Variants in RYR3 observed in about 807,000 individuals in gnomAD.
The protein encoded by RYR3 is ryanodine receptor 3.
A neutral mutation model predicts 584.3 loss-of-function variants in RYR3; 207 were observed. That is an observed-to-expected ratio of 0.35 (90% CI 0.32 to 0.40). RYR3 has a LOEUF of 0.40. Ranked by LOEUF, RYR3 falls within the 10% of genes least tolerant of loss-of-function variation. The pLI, the probability that RYR3 is intolerant of heterozygous loss-of-function variation, is 1.00. For missense variants in RYR3, 5,616 were observed against 6,089.2 expected, an observed-to-expected ratio of 0.92 and a Z score of 2.59; for synonymous variants, 2,416 against 2,248.5, an observed-to-expected ratio of 1.07 and a Z score of -2.11.
intron 1 of RYR3, among the ~76,000 whole-genome samples, chr15:33,456,493 G>A (rs964375734): frequency 1.3e-5 from 2 of 152,142 alleles, no homozygotes; most frequent in Non-Finnish European, 2.9e-5. Flanking sequence ...GCATGTGAAT[G>A]TCTTCCCTTG....
chr15:33,511,683 C>T (rs1028337187), intron 3 of RYR3, among the ~76,000 whole-genome samples: 4 of 152,002 alleles, frequency 2.6e-5, no homozygotes, highest in Admixed American at 6.5e-5. Context: ...AGAAATTCGT[C>T]GCCAGGCAGT....
chr15:33,529,949 T>A (rs925423514), intron 3 of RYR3, among the ~76,000 whole-genome samples: 1 of 152,172 alleles, frequency 6.6e-6, no homozygotes, highest in Non-Finnish European at 1.5e-5. Flanking sequence ...TCCCACTGTT[T>A]GGGCAGCCAC....
chr15:33,525,204 C>T (rs560978375), intron 3 of RYR3, among the ~76,000 whole-genome samples: 25 of 152,254 alleles, frequency 1.6e-4, no homozygotes, highest in Admixed American at 3.9e-4. Flanking sequence ...TTAATAACCC[C>T]GCCTTTCTCC....
At chr15:33,591,412 ATGT>A (rs1169689937) in intron 16 of RYR3, among the ~76,000 whole-genome samples, 1 of 151,574 alleles carries the variant, frequency 6.6e-6, no homozygotes, top group Non-Finnish European at 1.5e-5. Context: ...CCAAGCTAAG[ATGT>A]TGTACATGGC....
intron 62 of RYR3, among the ~76,000 whole-genome samples, chr15:33,770,569 T>C (rs558863353): frequency 1.7e-4 from 26 of 152,148 alleles, no homozygotes; most frequent in African/African-American, 5.8e-4. Context: ...CTGGGCAACA[T>C]AGACCCCCAT....
In RYR3 at chr15:33,726,525, G is replaced by A; in HGVS notation, c.7033+19G>A. The A allele has an allele frequency of 6.4e-7, 1 of 1,568,418 alleles. No homozygotes were observed. The highest frequency in any genetic ancestry group is 8.6e-7 in the Non-Finnish European group (1 of 1,157,074). The stretch of plus-strand genomic sequence containing the variant: ...AACAAAGGTAAGGGGAGTGACTGCA[G>A]GCTGCAGCAGCAGTCTCCCAGCAGC... On this transcript the variant is annotated intron_variant, in intron 46 of 103. Coordinates refer to ENST00000634891, the MANE Select transcript of RYR3 (RefSeq NM_001036.6).
rs754866375 is a variant in RYR3 at position 33,739,977 on chromosome 15, A to G, written c.7802A>G (p.Lys2601Arg). ...GATGCGGATGGCAACTTTGACCCAAAACCTATTAACACCATGAAGTGAGTC... is the reference window on the plus strand; with the variant it reads ...GATGCGGATGGCAACTTTGACCCAAGACCTATTAACACCATGAAGTGAGTC... ...SVDADGNFDPKPINTMNFSLP... is the reference protein window; with the variant it reads ...SVDADGNFDPRPINTMNFSLP... Residue 2601 changes from lysine to arginine, a missense_variant, in exon 51 of 104, where the codon AAA becomes AGA. Lys to Arg is a conservative substitution (Grantham distance 26). Around this residue, in one of 9 missense-constraint regions of RYR3, gnomAD observed 1,280 missense variants for 1,426.2 expected, o/e 0.90. Coordinates refer to ENST00000634891, the MANE Select transcript of RYR3 (RefSeq NM_001036.6). 5.0e-6 allele frequency: 8 copies of G among 1,613,870 alleles called. No homozygotes were observed. In the Admixed American group the frequency reaches 1.3e-4, roughly 27 times the overall value.
At chr15:33,604,638 G>A (rs928722926) in intron 18 of RYR3, among the ~76,000 whole-genome samples, 3 of 152,218 alleles carry the variant, frequency 2.0e-5, no homozygotes, top group African/African-American at 7.2e-5. Context: ...ATGGCAGGAT[G>A]ATGGGGTCAT....
intron 74 of RYR3, among the ~76,000 whole-genome samples, chr15:33,814,219 A>T (rs1441296772): frequency 6.6e-6 from 1 of 152,210 alleles, no homozygotes; most frequent in Admixed American, 6.5e-5. Context: ...ACTGGCCCAG[A>T]GTTGACCACC....
At chr15:33,349,883 T>A (rs928289816) in intron 1 of RYR3, among the ~76,000 whole-genome samples, 1 of 152,058 alleles carries the variant, frequency 6.6e-6, no homozygotes, top group African/African-American at 2.4e-5. Flanking sequence ...CTGAGACTGA[T>A]GATTTCCAAT....
intron 51 of RYR3, among the ~76,000 whole-genome samples, chr15:33,741,320 A>G (rs2070073902): frequency 6.6e-6 from 1 of 152,246 alleles, no homozygotes; most frequent in Non-Finnish European, 1.5e-5. Context: ...AATCAGGCAC[A>G]GGGAGGAAAT....
intron 32 of RYR3, among the ~76,000 whole-genome samples, chr15:33,655,754 C>G (rs1474014720): frequency 6.6e-6 from 1 of 152,234 alleles, no homozygotes; most frequent in Non-Finnish European, 1.5e-5. Flanking sequence ...CAGCCAGCCC[C>G]CTTCTCATTC....
chr15:33,431,870 T>G (rs2045184393), intron 1 of RYR3, among the ~76,000 whole-genome samples: 1 of 152,196 alleles, frequency 6.6e-6, no homozygotes, highest in Non-Finnish European at 1.5e-5. Context: ...AACCAAAAAG[T>G]AAAGCGTTGT....
intron 16 of RYR3, among the ~76,000 whole-genome samples, chr15:33,594,051 C>T (rs2059260583): frequency 6.6e-6 from 1 of 152,166 alleles, no homozygotes; most frequent in Non-Finnish European, 1.5e-5. Context: ...GGGTGAATTT[C>T]CTCTCCTCTG....
At chr15:33,414,866 T>C (rs1455283143) in intron 1 of RYR3, among the ~76,000 whole-genome samples, 1 of 152,218 alleles carries the variant, frequency 6.6e-6, no homozygotes, top group East Asian at 1.9e-4. Flanking sequence ...GTGCTGGGAT[T>C]ACAGGCGTGA....
chr15:33,635,187 G>A (rs1595909927), intron 25 of RYR3, among the ~76,000 whole-genome samples: 1 of 152,182 alleles, frequency 6.6e-6, no homozygotes, highest in East Asian at 1.9e-4. Flanking sequence ...AGGAGGCACA[G>A]TAGGCCACAG....
intron 43 of RYR3, chr15:33,722,345 C>G: frequency 4.6e-6 from 1 of 218,326 alleles, no homozygotes. Flanking sequence ...TGGAAATAAT[C>G]TCTACAGTAC....
At chr15:33,409,454 C>T (rs2043252347) in intron 1 of RYR3, among the ~76,000 whole-genome samples, 1 of 152,072 alleles carries the variant, frequency 6.6e-6, no homozygotes, top group South Asian at 2.1e-4. Flanking sequence ...TGAACTCTGG[C>T]TGTCTTGGGC....
chr15:33,424,322 T>C (rs1466991555), intron 1 of RYR3, among the ~76,000 whole-genome samples: 1 of 152,200 alleles, frequency 6.6e-6, no homozygotes, highest in Non-Finnish European at 1.5e-5. Context: ...CCTTAGTACA[T>C]TGCTTGGCAC....
Sources: gnomAD v4.1 joint callset for allele counts (sites outside exome capture counted in the v4.1 genomes callset) on GRCh38, gnomAD v4.1.1 for gene constraint, gnomAD v4.1.1 regional missense constraint, MANE v1.5 for transcripts, NCBI Gene and HGNC (gene_info 2026-07-23, HGNC 2026-07-21) for gene names.